NOVA1: variants seen among roughly 807,000 people sequenced by gnomAD.
NOVA1 encodes the protein NOVA alternative splicing regulator 1.
A neutral mutation model predicts 38.0 loss-of-function variants in NOVA1; 7 were observed. The observed-to-expected ratio is 0.18, with a 90% CI of 0.10 to 0.35. The LOEUF (loss-of-function observed/expected upper bound fraction) is 0.35. NOVA1 is among the 10% of genes least tolerant of loss of function. NOVA1 has a pLI of 1.00. For synonymous variants in NOVA1, 270 were observed against 232.5 expected, an observed-to-expected ratio of 1.16 and a Z score of -1.47; for missense variants, 460 against 616.0, an observed-to-expected ratio of 0.75 and a Z score of 2.68.
chr14:26,575,486 G>T (rs1284415115), intron 2 of NOVA1, among the ~76,000 whole-genome samples: 1 of 152,104 alleles, frequency 6.6e-6, no homozygotes, highest in South Asian at 2.1e-4. Flanking sequence ...TTAAGTCACA[G>T]ATTTTAAGCT....
chr14:26,543,850 A>G (rs1355695126), intron 2 of NOVA1, among the ~76,000 whole-genome samples: 1 of 152,044 alleles, frequency 6.6e-6, no homozygotes, highest in Non-Finnish European at 1.5e-5. Context: ...TACAGTTGGT[A>G]AGAATGTGGC....
intron 4 of NOVA1, among the ~76,000 whole-genome samples, chr14:26,468,453 G>A (rs1039724599): frequency 3.3e-5 from 5 of 152,214 alleles, no homozygotes; most frequent in Non-Finnish European, 7.3e-5. Context: ...AAAGGGCTCA[G>A]CCTGCCTGGC....
chr14:26,597,244 G>A, intron 1 of NOVA1, 57 bp downstream of exon 1: 1 of 1,190,628 alleles, frequency 8.4e-7, no homozygotes. Context: ...GCGAGGGAGG[G>A]AGGCAGGGGC....
chr14:26,552,101 A>G (rs761923085), intron 2 of NOVA1, among the ~76,000 whole-genome samples: 2 of 152,120 alleles, frequency 1.3e-5, no homozygotes, highest in African/African-American at 2.4e-5. Context: ...TCAAATGTAA[A>G]GAGTGTTTTC....
At chr14:26,504,350 A>C (rs1887468377) in intron 2 of NOVA1, among the ~76,000 whole-genome samples, 1 of 152,216 alleles carries the variant, frequency 6.6e-6, no homozygotes, top group African/African-American at 2.4e-5. Context: ...ACACACTTTT[A>C]ATATGTAAAT....
At chr14:26,554,212 G>T (rs1891343081) in intron 2 of NOVA1, among the ~76,000 whole-genome samples, 1 of 149,870 alleles carries the variant, frequency 6.7e-6, no homozygotes, top group Admixed American at 6.6e-5. Context: ...AGGGAGGGAG[G>T]GAGGACTAGT....
intron 2 of NOVA1, among the ~76,000 whole-genome samples, chr14:26,573,126 T>C (rs1458886626): frequency 6.6e-6 from 1 of 152,012 alleles, no homozygotes; most frequent in Non-Finnish European, 1.5e-5. Flanking sequence ...ATGTCTGAGA[T>C]AGTACAGTTA....
intron 2 of NOVA1, among the ~76,000 whole-genome samples, chr14:26,522,577 G>A (rs1162405681): frequency 1.3e-5 from 2 of 152,034 alleles, no homozygotes; most frequent in Non-Finnish European, 2.9e-5. Flanking sequence ...GTGGGTTAGA[G>A]TCAGATTCGT....
chr14:26,499,689 T>C (rs1316257783), intron 2 of NOVA1, among the ~76,000 whole-genome samples: 1 of 152,162 alleles, frequency 6.6e-6, no homozygotes, highest in Non-Finnish European at 1.5e-5. Flanking sequence ...CCAACCTTGT[T>C]GGGAATTTAC....
chr14:26,484,157 G>A (rs1161781629), intron 2 of NOVA1, among the ~76,000 whole-genome samples: 2 of 151,852 alleles, frequency 1.3e-5, no homozygotes, highest in South Asian at 2.1e-4. Context: ...TTAATTGGCC[G>A]GGTGCGGTGG....
At chr14:26,472,846 C>T (rs1441164810) in intron 3 of NOVA1, among the ~76,000 whole-genome samples, 13 of 151,896 alleles carry the variant, frequency 8.6e-5, no homozygotes, top group Admixed American at 8.5e-4. Context: ...TAAAATTATC[C>T]ACCTACTTAA....
chr14:26,582,484 A>G (rs1406781149), intron 2 of NOVA1, among the ~76,000 whole-genome samples: 2 of 151,872 alleles, frequency 1.3e-5, no homozygotes, highest in Non-Finnish European at 3.0e-5. Context: ...CTTCACTGCC[A>G]AGACTCCATA....
chr14:26,570,145 G>C (rs537913236), intron 2 of NOVA1, among the ~76,000 whole-genome samples: 1 of 152,056 alleles, frequency 6.6e-6, no homozygotes, highest in Non-Finnish European at 1.5e-5. Context: ...TCAGGCGTTC[G>C]AGATCAGCCT....
intron 2 of NOVA1, among the ~76,000 whole-genome samples, chr14:26,520,442 T>C (rs1420486156): frequency 6.6e-6 from 1 of 152,128 alleles, no homozygotes; most frequent in Non-Finnish European, 1.5e-5. Flanking sequence ...CTTCTGGCAC[T>C]TAGAAACACC....
chr14:26,488,607 T>C (rs1292917013), intron 2 of NOVA1, among the ~76,000 whole-genome samples: 4 of 152,200 alleles, frequency 2.6e-5, no homozygotes, highest in Non-Finnish European at 5.9e-5. Flanking sequence ...GATTCATTCA[T>C]CCTCAGCATA....
chr14:26,460,868 T>C lies in NOVA1; in HGVS notation c.519+11452A>G, dbSNP rs545102098. Among the ~76,000 whole-genome samples the C allele has an allele frequency of 2.6e-5, 4 of 152,286 alleles. No homozygotes were observed. The East Asian group carries it at 7.7e-4, about 29-fold the overall frequency. On this transcript the variant is annotated intron_variant, in intron 4 of 4. Transcript: ENST00000539517. The stretch of plus-strand genomic sequence containing the variant: ...AATAAACTTGATAACTATCCAATTC[T>C]ACTATTTTAGATATTTTCAATTTTA...
intron 3 of NOVA1, among the ~76,000 whole-genome samples, chr14:26,477,562 T>C (rs985716460): frequency 2.6e-5 from 4 of 152,102 alleles, no homozygotes; most frequent in African/African-American, 9.7e-5. Flanking sequence ...TTGGATAAAA[T>C]ACCTGGTTCA....
chr14:26,458,259 G>A (rs1389083812), intron 4 of NOVA1, among the ~76,000 whole-genome samples: 1 of 152,090 alleles, frequency 6.6e-6, no homozygotes, highest in Admixed American at 6.6e-5. Context: ...ACTGTGGAAA[G>A]CAGTGTGGAG....
At position 26,446,978 on chromosome 14, in the gene NOVA1, C is replaced by T. The variant is rs1196164403; in HGVS notation, c.*981G>A. 6.6e-6 allele frequency: 1 copy of T among 152,634 alleles called. No individual in the cohort carries two copies. The highest frequency in any genetic ancestry group is 1.5e-5 in the Non-Finnish European group (1 of 68,042). The allele number at this position is 152,634 out of a possible 1,614,324, so 9.5% of individuals were successfully genotyped here. A position where few individuals can be genotyped will look rare whatever the true frequency, so the allele number is the denominator to read the frequency against. ...ATAGCTTCACAGTAAAATCTACATT[C>T]ACAATACTAATAGGTTTCTAGTGTT... is the stretch of plus-strand genomic sequence containing the variant. On this transcript the variant is annotated 3_prime_UTR_variant, in exon 5 of 5. Coordinates refer to ENST00000539517, the MANE Select transcript of NOVA1 (RefSeq NM_002515.3).
Sources: allele counts gnomAD v4.1 joint callset (sites outside exome capture counted in the v4.1 genomes callset), GRCh38; gene constraint gnomAD v4.1.1; transcripts MANE v1.5; gene names NCBI Gene and HGNC (gene_info 2026-07-23, HGNC 2026-07-21).